The following CAST variants were observed in gnomAD, a reference collection of about 807,000 sequenced individuals.
The protein encoded by CAST is MIR583 host.
CAST carries 76 observed loss-of-function variants against 119.6 expected under a neutral mutation model. That is an observed-to-expected ratio of 0.64 (90% CI 0.53 to 0.77). CAST has a LOEUF of 0.77. Among genes scored for constraint, CAST ranks in the 30% least tolerant of loss-of-function variants. The pLI, the probability that CAST is intolerant of heterozygous loss-of-function variation, is 0.00. For synonymous variants in CAST, 319 were observed against 331.6 expected, an observed-to-expected ratio of 0.96 and a Z score of 0.41; for missense variants, 953 against 946.5, an observed-to-expected ratio of 1.01 and a Z score of -0.09.
chr5:96,061,868 G>C, the CAST span, among the ~76,000 whole-genome samples: 2 of 152,100 alleles, frequency 1.3e-5, no homozygotes, highest in East Asian at 1.9e-4. Flanking sequence ...CTCCACCAGA[G>C]AGCATCCATT....
At chr5:96,595,875 C>A (rs1464082729) in intron 1 of CAST, among the ~76,000 whole-genome samples, 1 of 151,992 alleles carries the variant, frequency 6.6e-6, no homozygotes, top group Non-Finnish European at 1.5e-5. Flanking sequence ...TATGAGAAGT[C>A]AAAGTGAGTT....
At chr5:96,676,695 T>C (rs891452655) in intron 2 of CAST, among the ~76,000 whole-genome samples, 1 of 151,804 alleles carries the variant, frequency 6.6e-6, no homozygotes, top group Non-Finnish European at 1.5e-5. Context: ...CCTGATTAAA[T>C]TAATAAAAGA....
At chr5:96,050,948 C>A in the CAST span, among the ~76,000 whole-genome samples, 35 of 152,232 alleles carry the variant, frequency 2.3e-4, no homozygotes, top group East Asian at 6.6e-3. Flanking sequence ...AATTTGAGGT[C>A]TTTGGACAAT....
chr5:96,741,408 C>A, intron 14 of CAST, 50 bp downstream of exon 14: 4 of 1,488,728 alleles, frequency 2.7e-6, no homozygotes, highest in Non-Finnish European at 3.7e-6. Context: ...CTATTTTGAA[C>A]TTTAAAAGAA....
At chr5:96,205,740 C>T in the CAST span, among the ~76,000 whole-genome samples, 1 of 152,070 alleles carries the variant, frequency 6.6e-6, no homozygotes. Context: ...AGGTTGATTA[C>T]AGGTCTTTGC....
At chr5:96,385,197 G>T in the CAST span, among the ~76,000 whole-genome samples, 2 of 152,134 alleles carry the variant, frequency 1.3e-5, no homozygotes, top group Admixed American at 1.3e-4. Flanking sequence ...TTATTGGATT[G>T]GTCTGTTGCC....
At position 96,547,224 on chromosome 5, in the gene CAST, A is replaced by C. The variant is rs190178670; in HGVS notation, c.60+17344A>C. ...TGAGATTTAATTATGGGTCCCAAAA[A>C]GTCCCATAATATGCCATACGCAAGC... is the stretch of plus-strand genomic sequence containing the variant. On this transcript the variant is annotated intron_variant, in intron 1 of 11. Coordinates refer to the CAST transcript ENST00000505143. 8.5e-5 allele frequency among the ~76,000 whole-genome samples: 13 copies of C among 152,326 alleles called. No individual in the cohort carries two copies. In the East Asian group the frequency reaches 2.5e-3, roughly 29 times the overall value.
intron 1 of CAST, among the ~76,000 whole-genome samples, chr5:96,668,496 A>G (rs1382682148): frequency 1.3e-5 from 2 of 152,242 alleles, no homozygotes; most frequent in African/African-American, 2.4e-5. Context: ...CACCACAGTC[A>G]GATTGCCAGG....
At chr5:96,197,690 C>T in the CAST span, among the ~76,000 whole-genome samples, 2 of 152,088 alleles carry the variant, frequency 1.3e-5, no homozygotes, top group East Asian at 3.9e-4. Context: ...CTATTGCTAC[C>T]CCCTTCACAA....
chr5:96,364,724 A>G, the CAST span, among the ~76,000 whole-genome samples: 22 of 151,672 alleles, frequency 1.5e-4, no homozygotes, highest in African/African-American at 5.1e-4. Context: ...TTTCTTCTTT[A>G]TTAGTCTTGC....
chr5:96,089,654 G>A, the CAST span, among the ~76,000 whole-genome samples: 13 of 152,272 alleles, frequency 8.5e-5, no homozygotes, highest in South Asian at 2.1e-4. Context: ...ATACATGTGC[G>A]TGTTTTTGTT....
chr5:96,004,428 TATTC>T, the CAST span, among the ~76,000 whole-genome samples: 3 of 152,340 alleles, frequency 2.0e-5, no homozygotes, highest in African/African-American at 7.2e-5. Context: ...GTCTTCAACT[TATTC>T]TCAAATGGTT....
the CAST span, among the ~76,000 whole-genome samples, chr5:96,325,875 G>T: frequency 5.3e-5 from 8 of 152,222 alleles, no homozygotes; most frequent in African/African-American, 1.9e-4. Flanking sequence ...CCAATGGGTA[G>T]ATTTCTGTTT....
At chr5:96,302,750 A>T in the CAST span, among the ~76,000 whole-genome samples, 1 of 152,140 alleles carries the variant, frequency 6.6e-6, no homozygotes, top group Non-Finnish European at 1.5e-5. Context: ...TTCCCAATAA[A>T]TTTCTTATCT....
chr5:96,414,230 G>A, the CAST span, among the ~76,000 whole-genome samples: 6 of 152,056 alleles, frequency 3.9e-5, no homozygotes, highest in Non-Finnish European at 8.8e-5. Flanking sequence ...TTCTTCAACT[G>A]TAAAATAGGG....
At chr5:96,485,134 G>A in the CAST span, among the ~76,000 whole-genome samples, 5 of 152,146 alleles carry the variant, frequency 3.3e-5, no homozygotes, top group Non-Finnish European at 7.4e-5. Context: ...TTCATGTTGA[G>A]AGAAATGGTC....
chr5:96,327,559 C>T, the CAST span, among the ~76,000 whole-genome samples: 1 of 152,192 alleles, frequency 6.6e-6, no homozygotes, highest in African/African-American at 2.4e-5. Flanking sequence ...TTGAAAACGG[C>T]AGAGTGACCC....
chr5:96,425,060 G>T, the CAST span, among the ~76,000 whole-genome samples: 2 of 126,498 alleles, frequency 1.6e-5, no homozygotes, highest in Admixed American at 7.5e-5. Flanking sequence ...AAGAAAGAAA[G>T]AAAGAAAGAA....
chr5:96,364,046 C>T, the CAST span, among the ~76,000 whole-genome samples: 3 of 152,134 alleles, frequency 2.0e-5, no homozygotes, highest in South Asian at 6.2e-4. Flanking sequence ...GCATGAAGGG[C>T]TGTTGAATTT....
Sources: gnomAD v4.1 joint callset for allele counts (sites outside exome capture counted in the v4.1 genomes callset) on GRCh38, gnomAD v4.1.1 for gene constraint, MANE v1.5 for transcripts, NCBI Gene and HGNC (gene_info 2026-07-23, HGNC 2026-07-21) for gene names.